The following OPCML variants were observed in gnomAD, a reference collection of about 807,000 sequenced individuals.
The protein encoded by OPCML is opioid binding protein/cell adhesion molecule like.
Under a neutral mutation model 37.8 loss-of-function variants are expected in OPCML, and 13 were observed. That is an observed-to-expected ratio of 0.34 (90% CI 0.22 to 0.55). The LOEUF is 0.55. Among genes scored for constraint, OPCML ranks in the 20% least tolerant of loss-of-function variants. OPCML has a pLI of 0.91. For synonymous variants in OPCML, 176 were observed against 168.8 expected, an observed-to-expected ratio of 1.04 and a Z score of -0.33; for missense variants, 341 against 435.6, an observed-to-expected ratio of 0.78 and a Z score of 1.93.
At chr11:133,025,350 G>A (rs1019296631) in intron 1 of OPCML, 28 of 985,176 alleles carry the variant, frequency 2.8e-5, no homozygotes, top group Non-Finnish European at 3.1e-5. Flanking sequence ...TTAAGTTTTC[G>A]ATTATATAAC....
At chr11:133,094,224 A>G (rs1298229228) in intron 1 of OPCML, among the ~76,000 whole-genome samples, 2 of 152,224 alleles carry the variant, frequency 1.3e-5, no homozygotes, top group Admixed American at 1.3e-4. Flanking sequence ...AAATAAAAAA[A>G]TGGTATATGT....
At chr11:133,056,005 G>C (rs139652283) in intron 1 of OPCML, among the ~76,000 whole-genome samples, 1,872 of 149,816 alleles carry the variant, frequency 0.012, 30 homozygotes, top group African/African-American at 0.042. Flanking sequence ...AATTCCAAGT[G>C]GTGAGACTCC....
chr11:132,581,405 C>T (rs778066900), intron 3 of OPCML, among the ~76,000 whole-genome samples: 3 of 152,186 alleles, frequency 2.0e-5, no homozygotes, highest in African/African-American at 4.8e-5. Flanking sequence ...GCTAACTGCT[C>T]TCCTATGTTT....
At chr11:132,494,921 T>C (rs1281664058) in intron 4 of OPCML, among the ~76,000 whole-genome samples, 1 of 152,156 alleles carries the variant, frequency 6.6e-6, no homozygotes, top group African/African-American at 2.4e-5. Context: ...TAAGACTCAA[T>C]TTCTCACAAC....
At chr11:133,243,805 A>T (rs777830832) in intron 1 of OPCML, among the ~76,000 whole-genome samples, 48 of 152,250 alleles carry the variant, frequency 3.2e-4, no homozygotes, top group Non-Finnish European at 4.1e-4. Context: ...AATAAAGGAC[A>T]GCACAGTCGG....
chr11:133,002,809 C>T (rs949605446), intron 1 of OPCML, among the ~76,000 whole-genome samples: 9 of 151,942 alleles, frequency 5.9e-5, no homozygotes, highest in Admixed American at 3.9e-4. Context: ...AGAGATTGAT[C>T]GTAGGTTGTG....
At chr11:133,025,182 C>A (rs141938772) in intron 1 of OPCML, 1 of 554,244 alleles carries the variant, frequency 1.8e-6, no homozygotes, top group Non-Finnish European at 2.3e-6. Context: ...AGCATAAATA[C>A]GCAAATATGG....
chr11:132,742,831 A>G (rs1338931677), intron 2 of OPCML, among the ~76,000 whole-genome samples: 1 of 150,584 alleles, frequency 6.6e-6, no homozygotes, highest in Non-Finnish European at 1.5e-5. Context: ...TATACTCATT[A>G]TATATAATGT....
intron 1 of OPCML, among the ~76,000 whole-genome samples, chr11:133,069,374 T>C (rs1289212448): frequency 6.6e-6 from 1 of 152,206 alleles, no homozygotes; most frequent in Non-Finnish European, 1.5e-5. Context: ...TTTAGTGCTG[T>C]TTTCGAAGGT....
At chr11:133,200,162 CT>C (rs1565499431) in intron 1 of OPCML, among the ~76,000 whole-genome samples, 1 of 152,188 alleles carries the variant, frequency 6.6e-6, no homozygotes, top group Non-Finnish European at 1.5e-5. Flanking sequence ...CAAGAACCAA[CT>C]TGAGAACTTT....
chr11:132,796,565 C>CTTTTTTT (rs71067396), intron 2 of OPCML, among the ~76,000 whole-genome samples: 71 of 88,590 alleles, frequency 8.0e-4, no homozygotes, highest in Middle Eastern at 9.1e-3. Flanking sequence ...TTTCTTCTTT[C>CTTTTTTT]TTTTTTTTTT....
intron 2 of OPCML, among the ~76,000 whole-genome samples, chr11:132,779,105 T>C (rs1339383384): frequency 6.6e-6 from 1 of 151,726 alleles, no homozygotes; most frequent in Non-Finnish European, 1.5e-5. Flanking sequence ...GTAGCTGGGA[T>C]TACAGGCACC....
intron 4 of OPCML, among the ~76,000 whole-genome samples, chr11:132,440,004 A>G (rs1389845869): frequency 2.0e-5 from 3 of 152,154 alleles, no homozygotes; most frequent in Non-Finnish European, 4.4e-5. Context: ...AGACTTAGAA[A>G]TGTTGACCTA....
At chr11:132,781,951 TA>T (rs1947038153) in intron 2 of OPCML, among the ~76,000 whole-genome samples, 1 of 59,878 alleles carries the variant, frequency 1.7e-5, no homozygotes, top group South Asian at 4.5e-4. Context: ...TATATATATA[TA>T]TATTTTTTTT....
intron 1 of OPCML, among the ~76,000 whole-genome samples, chr11:132,961,293 T>G (rs1486722734): frequency 6.6e-6 from 1 of 152,126 alleles, no homozygotes. Context: ...GATTCTAAGA[T>G]TTCTACGTCT....
In OPCML at chr11:132,425,568, A is replaced by T. The variant is rs567625685; in HGVS notation, c.917-5275T>A. Among the ~76,000 whole-genome samples, 270 of 152,382 alleles carry T rather than the reference A, an allele frequency of 1.8e-3. 1 individual carries two copies. The highest frequency in any genetic ancestry group is 6.3e-3 in the African/African-American group (262 of 41,598). On this transcript the variant is annotated intron_variant, in intron 7 of 7. Transcript: ENST00000524381. ...GATGGTGTGTGCAATCATCAAGTAC[A>T]GAGTAAAGGATGATGAAATATTAGG...
chr11:132,613,423 C>T (rs1938788229), intron 3 of OPCML, among the ~76,000 whole-genome samples: 2 of 152,184 alleles, frequency 1.3e-5, no homozygotes, highest in African/African-American at 4.8e-5. Context: ...TGCATAAACT[C>T]AAAACATGCA....
chr11:133,049,327 G>A (rs1160922762), intron 1 of OPCML, among the ~76,000 whole-genome samples: 1 of 152,202 alleles, frequency 6.6e-6, no homozygotes, highest in South Asian at 2.1e-4. Context: ...CCAGGGAGGA[G>A]AATGATCTGT....
chr11:133,370,337 CA>C (rs1944644578), intron 1 of OPCML, among the ~76,000 whole-genome samples: 1 of 151,890 alleles, frequency 6.6e-6, no homozygotes, highest in African/African-American at 2.4e-5. Flanking sequence ...AGCAGCCACC[CA>C]AAAACTCTTA....
Sources: gnomAD v4.1 joint callset for allele counts (sites outside exome capture counted in the v4.1 genomes callset) on GRCh38, gnomAD v4.1.1 for gene constraint, MANE v1.5 for transcripts, NCBI Gene and HGNC (gene_info 2026-07-23, HGNC 2026-07-21) for gene names.